LRRTM4: variants seen among roughly 807,000 people sequenced by gnomAD.
The protein encoded by LRRTM4 is leucine-rich repeat transmembrane neuronal protein 4.
A neutral mutation model predicts 47.6 loss-of-function variants in LRRTM4; 25 were observed. The observed-to-expected ratio is 0.53, with a 90% CI of 0.38 to 0.73. The LOEUF is 0.73. Among genes scored for constraint, LRRTM4 ranks in the 30% least tolerant of loss-of-function variants. The pLI is 0.00. For missense variants in LRRTM4, 638 were observed against 713.4 expected (o/e 0.89, Z 1.20); for synonymous variants, 311 against 269.5 (o/e 1.15, Z -1.51).
chr2:76,811,299 G>C (rs1010199502), intron 3 of LRRTM4, among the ~76,000 whole-genome samples: 2 of 152,196 alleles, frequency 1.3e-5, no homozygotes, highest in African/African-American at 2.4e-5. Flanking sequence ...TTAGCACCCT[G>C]TAGGTCTTTT....
At chr2:76,777,752 T>A (rs1463715248) in intron 3 of LRRTM4, among the ~76,000 whole-genome samples, 2 of 146,652 alleles carry the variant, frequency 1.4e-5, no homozygotes, top group African/African-American at 5.0e-5. Context: ...ACCCTTTATT[T>A]CCTTCTCCTG....
chr2:77,494,265 A>G (rs1678276887), intron 3 of LRRTM4, among the ~76,000 whole-genome samples: 1 of 152,174 alleles, frequency 6.6e-6, no homozygotes, highest in Non-Finnish European at 1.5e-5. Flanking sequence ...AACTAAATTT[A>G]AAAATGAAAA....
chr2:76,849,882 T>G (rs1458579085), intron 3 of LRRTM4, among the ~76,000 whole-genome samples: 1 of 152,160 alleles, frequency 6.6e-6, no homozygotes, highest in African/African-American at 2.4e-5. Context: ...AATGAACTGA[T>G]GTATAATTGT....
chr2:77,314,409 T>C (rs933035308), intron 3 of LRRTM4, among the ~76,000 whole-genome samples: 2 of 152,244 alleles, frequency 1.3e-5, no homozygotes, highest in African/African-American at 2.4e-5. Context: ...AGAGAAGCAC[T>C]GTTCAGATCT....
chr2:77,449,807 G>A (rs1415974414), intron 3 of LRRTM4, among the ~76,000 whole-genome samples: 1 of 152,164 alleles, frequency 6.6e-6, no homozygotes, highest in Non-Finnish European at 1.5e-5. Flanking sequence ...TATGCCAAAA[G>A]GCATAATTTT....
intron 3 of LRRTM4, among the ~76,000 whole-genome samples, chr2:76,807,816 C>A (rs1374621966): frequency 6.6e-6 from 1 of 151,660 alleles, no homozygotes; most frequent in East Asian, 2.0e-4. Flanking sequence ...CTCCTGACCT[C>A]GTGATCCGCC....
chr2:77,334,266 G>T (rs2104258730), intron 3 of LRRTM4, among the ~76,000 whole-genome samples: 1 of 152,244 alleles, frequency 6.6e-6, no homozygotes. Context: ...GGACTACTGG[G>T]AAGGCATGAT....
intron 3 of LRRTM4, among the ~76,000 whole-genome samples, chr2:77,097,403 GT>G (rs1264433183): frequency 6.6e-6 from 1 of 151,850 alleles, no homozygotes; most frequent in Non-Finnish European, 1.5e-5. Context: ...TTTGCATTTG[GT>G]AGTTTGAAAA....
At chr2:76,795,403 A>T (rs1675226919) in intron 3 of LRRTM4, among the ~76,000 whole-genome samples, 1 of 151,314 alleles carries the variant, frequency 6.6e-6, no homozygotes, top group East Asian at 1.9e-4. Flanking sequence ...GTCTATACTG[A>T]ACATGTAAAG....
intron 3 of LRRTM4, among the ~76,000 whole-genome samples, chr2:77,002,916 C>G (rs1450225054): frequency 6.6e-6 from 1 of 152,084 alleles, no homozygotes; most frequent in Non-Finnish European, 1.5e-5. Context: ...TTATTCTATT[C>G]ATTTTTACTT....
chr2:77,101,514 C>CT (rs1235273183), intron 3 of LRRTM4, among the ~76,000 whole-genome samples: 1 of 152,146 alleles, frequency 6.6e-6, no homozygotes, highest in African/African-American at 2.4e-5. Flanking sequence ...ATGGCATTTC[C>CT]TGCACCTCCA....
intron 3 of LRRTM4, among the ~76,000 whole-genome samples, chr2:77,325,351 ACTGGC>A (rs1225247538): frequency 6.6e-6 from 1 of 152,176 alleles, no homozygotes; most frequent in Admixed American, 6.6e-5. Flanking sequence ...TGTGGGTGGA[ACTGGC>A]CAAGACGTGA....
intron 3 of LRRTM4, among the ~76,000 whole-genome samples, chr2:77,354,105 C>A (rs1288691049): frequency 1.3e-5 from 2 of 152,116 alleles, no homozygotes; most frequent in Non-Finnish European, 2.9e-5. Context: ...TGGGTCACTG[C>A]TATGGAAAGG....
chr2:77,130,378 G>C (rs563024644), intron 3 of LRRTM4, among the ~76,000 whole-genome samples: 1 of 152,088 alleles, frequency 6.6e-6, no homozygotes, highest in Non-Finnish European at 1.5e-5. Flanking sequence ...GATTGTTTAA[G>C]GGTGTGGCAG....
intron 3 of LRRTM4, among the ~76,000 whole-genome samples, chr2:76,784,339 G>A (rs1347161135): frequency 2.0e-5 from 3 of 152,108 alleles, no homozygotes; most frequent in South Asian, 2.1e-4. Context: ...ATGAGAAAAT[G>A]TTCATATATA....
intron 3 of LRRTM4, among the ~76,000 whole-genome samples, chr2:77,169,731 C>G (rs572888711): frequency 6.6e-6 from 1 of 152,104 alleles, no homozygotes; most frequent in African/African-American, 2.4e-5. Context: ...TGTCCCTGGA[C>G]GTCCATCCTC....
chr2:77,407,413 G>A (rs960856514), intron 3 of LRRTM4, among the ~76,000 whole-genome samples: 11 of 151,266 alleles, frequency 7.3e-5, no homozygotes, highest in Non-Finnish European at 1.5e-4. Context: ...GGGGAGTAAA[G>A]CTTTACTTTT....
At chr2:77,372,290 G>A (rs1346749999) in intron 3 of LRRTM4, among the ~76,000 whole-genome samples, 3 of 151,748 alleles carry the variant, frequency 2.0e-5, no homozygotes, top group Admixed American at 6.6e-5. Flanking sequence ...ACTGTCCAGA[G>A]ACATACACAT....
At chr2:77,269,179 A>C (rs1206249317) in intron 3 of LRRTM4, among the ~76,000 whole-genome samples, 3 of 152,086 alleles carry the variant, frequency 2.0e-5, no homozygotes, top group Non-Finnish European at 4.4e-5. Context: ...TTCTTTTAAT[A>C]AACTGGTATT....
Sources: allele counts gnomAD v4.1 joint callset (sites outside exome capture counted in the v4.1 genomes callset), GRCh38; gene constraint gnomAD v4.1.1; transcripts MANE v1.5; gene names NCBI Gene and HGNC (gene_info 2026-07-23, HGNC 2026-07-21).